BNC1: variants seen among roughly 807,000 people sequenced by gnomAD.
The protein encoded by BNC1 is zinc finger protein basonuclin-1.
BNC1 carries 8 observed loss-of-function variants against 66.5 expected under a neutral mutation model. The ratio of observed to expected loss-of-function variants is 0.12; its 90% CI spans 0.07 to 0.22. BNC1 has a LOEUF of 0.22. Among genes scored for constraint, BNC1 ranks in the 10% least tolerant of loss-of-function variants. BNC1 has a pLI of 1.00. For missense variants in BNC1, 1,069 were observed against 1,241.3 expected, an observed-to-expected ratio of 0.86 and a Z score of 2.09; for synonymous variants, 454 against 452.6, an observed-to-expected ratio of 1.00 and a Z score of -0.04.
At chr15:83,266,709 A>G (rs1230012256) in intron 3 of BNC1, 127 bp downstream of exon 3, 1 of 835,484 alleles carries the variant, frequency 1.2e-6, no homozygotes, top group Admixed American at 2.0e-5. Flanking sequence ...GGCCATTAGA[A>G]AAGAAGTATT....
At position 83,257,075 on chromosome 15, in the gene BNC1, G is replaced by A. The variant is rs977652789; in HGVS notation, c.*367C>T. 6.2e-5 allele frequency: 13 copies of A among 209,770 alleles called. No homozygotes were observed. Among genetic ancestry groups the A allele is most frequent in the African/African-American group, 3.0e-4 (13 of 42,884 alleles). The allele number at this position is 209,770 out of a possible 1,614,324, so 13.0% of individuals were successfully genotyped here. ...CTTCCCCAGGACCCTTCTTATCCAA[G>A]ACCTTTAACACTGCAAGCCTCATTT... is the stretch of plus-strand genomic sequence containing the variant. On this transcript the variant is annotated 3_prime_UTR_variant, in exon 5 of 5. Transcript: ENST00000345382.
chr15:83,262,045 G>GTTT (rs5814139), intron 4 of BNC1, among the ~76,000 whole-genome samples: 33 of 110,536 alleles, frequency 3.0e-4, no homozygotes, highest in Non-Finnish European at 4.6e-4. Context: ...ACTAGTTCAT[G>GTTT]TTTTTTTTTT....
In BNC1 at chr15:83,268,054, T is replaced by C. The variant is rs114517745; in HGVS notation, c.199+79A>G. ...TACTAGTTAGTTGTCATTCTTAAGA[T>C]ATTAAATCAGTTCCTGAATAACTCT... On this transcript the variant is annotated intron_variant, in intron 2 of 4. Transcript: ENST00000345382. The C allele has an allele frequency of 2.3e-3, 2,738 of 1,201,444 alleles. 36 individuals carry two copies. The African/African-American group carries it at 0.032, about 14-fold the overall frequency. 74.4% of individuals were successfully genotyped at this position (1,201,444 alleles called of 1,614,324 possible). A position where few individuals can be genotyped will look rare whatever the true frequency, so the allele number is the denominator to read the frequency against.
intron 1 of BNC1, among the ~76,000 whole-genome samples, chr15:83,270,543 G>T (rs2038260176): frequency 1.3e-5 from 2 of 152,082 alleles, no homozygotes; most frequent in Admixed American, 6.6e-5. Context: ...CTGTGGGTGA[G>T]ATCTCATTGT....
chr15:83,281,450 C>T (rs2038378071), intron 1 of BNC1, among the ~76,000 whole-genome samples: 1 of 152,156 alleles, frequency 6.6e-6, no homozygotes, highest in Non-Finnish European at 1.5e-5. Flanking sequence ...ATGGGTGGCT[C>T]ATCATTGAGA....
rs1276473533 is a variant in BNC1, at chr15:83,263,671, A to C, written c.1580T>G (p.Met527Arg). 9 of 1,614,106 alleles carry C rather than the reference A, an allele frequency of 5.6e-6. No individual in the cohort carries two copies. The highest frequency in any genetic ancestry group is 7.6e-6 in the Non-Finnish European group (9 of 1,180,052). Residue 527 changes from methionine (M) to arginine (R), a missense_variant, in exon 4 of 5, where the codon ATG becomes AGG. Coordinates refer to ENST00000345382, the MANE Select transcript of BNC1 (RefSeq NM_001717.4). ...CTTCTTGGGAAGGGCATCAAATGGC[A>C]TTTCGTTTGAAATGAGCTGTTCTGG... Reference protein sequence around the residue: ...SIPEQLISNEMPFDALPKKKS... With the variant: ...SIPEQLISNERPFDALPKKKS...
intron 2 of BNC1, among the ~76,000 whole-genome samples, chr15:83,267,301 A>C (rs975910879): frequency 6.6e-6 from 1 of 152,294 alleles, no homozygotes; most frequent in African/African-American, 2.4e-5. Flanking sequence ...GGCCTTGCTA[A>C]GGAAAGAAAT....
intron 3 of BNC1, among the ~76,000 whole-genome samples, 177 bp from the exon 4 acceptor site, chr15:83,264,992 C>T (rs2038200729): frequency 1.3e-5 from 2 of 152,144 alleles, no homozygotes; most frequent in Admixed American, 6.5e-5. Context: ...AAGCTTTGTG[C>T]AGAACATAAG....
intron 1 of BNC1, among the ~76,000 whole-genome samples, chr15:83,278,531 T>C (rs531740540): frequency 6.6e-6 from 1 of 152,348 alleles, no homozygotes; most frequent in East Asian, 1.9e-4. Context: ...TAGAAAATGC[T>C]AGGAAACCAA....
intron 4 of BNC1, among the ~76,000 whole-genome samples, chr15:83,260,678 T>C (rs951174672): frequency 1.3e-5 from 2 of 152,232 alleles, no homozygotes; most frequent in African/African-American, 4.8e-5. Flanking sequence ...GCACCTAACA[T>C]AGACAGTTCT....
At chr15:83,262,387 G>A (rs186798459) in intron 4 of BNC1, among the ~76,000 whole-genome samples, 3 of 152,212 alleles carry the variant, frequency 2.0e-5, no homozygotes, top group Admixed American at 6.5e-5. Flanking sequence ...CCTTGTGGCC[G>A]GATGTGTTTC....
rs902457798 is a variant in BNC1 at position 83,263,403 on chromosome 15, C to T, written c.1848G>A (p.Glu616=). 6 of 1,614,106 alleles carry T rather than the reference C, an allele frequency of 3.7e-6. No homozygotes were observed. Among genetic ancestry groups the T allele is most frequent in the African/African-American group, 1.3e-5 (1 of 74,926 alleles). ...ERPCHRESVI[E]SSGAISQTPE... is the part of the protein sequence containing the mutation. The stretch of plus-strand genomic sequence containing the variant: ...GGGTTTGGCTGATGGCTCCACTGGA[C>T]TCAATTACTGATTCACGATGGCAGG... Residue 616 remains glutamate, a synonymous_variant, in exon 4 of 5, where the codon GAG becomes GAA. Coordinates refer to ENST00000345382, the MANE Select transcript of BNC1 (RefSeq NM_001717.4).
At position 83,264,331 on chromosome 15, in the gene BNC1, C is replaced by T; in HGVS notation, c.920G>A (p.Cys307Tyr). ...TTCTTTTTTAGTAATAGCATCCGGA[C>T]AGTTTAAACACTGATCTTTTTCAAC... The part of the protein sequence containing the change: ...FQVEKDQCLN[C>Y]PDAITKKEDS... Residue 307 changes from cysteine (C) to tyrosine (Y), a missense_variant, in exon 4 of 5, where the codon TGT (cysteine) becomes TAT (tyrosine). Transcript: ENST00000345382. 1 of 1,614,130 alleles carries T rather than the reference C, an allele frequency of 6.2e-7. No individual in the cohort carries two copies. The highest frequency in any genetic ancestry group is 8.5e-7 in the Non-Finnish European group (1 of 1,180,024).
rs760186116 is a variant in BNC1 at position 83,263,486 on chromosome 15, C to G, written c.1765G>C (p.Glu589Gln). ...ACSPQSHRVS[E>Q]EQHVQSGGLG... The stretch of plus-strand genomic sequence containing the variant: ...CCTCCTGACTGTACATGCTGCTCCT[C>G]AGATACTCTGTGTGACTGAGGACTG... The change falls in exon 4 of 5, where the codon GAG (glutamate) becomes CAG (glutamine). Residue 589 changes from glutamate to glutamine, a missense_variant. Glu to Gln is a conservative substitution (Grantham distance 29). Coordinates refer to ENST00000345382, the MANE Select transcript of BNC1 (RefSeq NM_001717.4). The G allele has an allele frequency of 1.2e-6, 2 of 1,614,130 alleles. No individual in the cohort carries two copies. Among genetic ancestry groups the G allele is most frequent in the East Asian group, 2.2e-5 (1 of 44,906 alleles).
Position 83,256,605 on chromosome 15 carries a change from C to T in BNC1, c.*837G>A, listed in dbSNP as rs2038076533. ...CAAAAAGAACAGAGTTTGAAGTTCA[C>T]CAAATGAAAACGAGCAGTGATTTTG... On this transcript the variant is annotated 3_prime_UTR_variant, in exon 5 of 5. Transcript: ENST00000345382. The T allele has an allele frequency of 6.6e-6, 1 of 152,166 alleles. No homozygotes were observed. Among genetic ancestry groups the T allele is most frequent in the Admixed American group, 6.5e-5 (1 of 15,278 alleles). 9.4% of individuals were successfully genotyped at this position (152,166 alleles called of 1,614,324 possible).
intron 1 of BNC1, among the ~76,000 whole-genome samples, chr15:83,284,090 C>A (rs2038415430): frequency 6.7e-6 from 1 of 150,158 alleles, no homozygotes; most frequent in African/African-American, 2.5e-5. Context: ...TTCACAAATT[C>A]TGAGGTAAAA....
At chr15:83,262,117 A>C (rs950806633) in intron 4 of BNC1, among the ~76,000 whole-genome samples, 2 of 142,726 alleles carry the variant, frequency 1.4e-5, no homozygotes, top group African/African-American at 2.6e-5. Context: ...GCATGATCTC[A>C]GCTCACTGCA....
At chr15:83,271,716 G>A (rs1233915682) in intron 1 of BNC1, among the ~76,000 whole-genome samples, 1 of 152,026 alleles carries the variant, frequency 6.6e-6, no homozygotes, top group East Asian at 1.9e-4. Context: ...AAGAAAAAAT[G>A]TCTAAAATCT....
chr15:83,283,459 G>C, intron 1 of BNC1: 1 of 1,214,396 alleles, frequency 8.2e-7, no homozygotes, highest in Non-Finnish European at 1.0e-6. Context: ...GGAACCGACG[G>C]GGCGCTCCCG....
Sources: gnomAD v4.1 joint callset for allele counts (sites outside exome capture counted in the v4.1 genomes callset) on GRCh38, gnomAD v4.1.1 for gene constraint, MANE v1.5 for transcripts, NCBI Gene and HGNC (gene_info 2026-07-23, HGNC 2026-07-21) for gene names.